The following CFAP54 variants were observed in gnomAD, a reference collection of about 807,000 sequenced individuals.
The protein encoded by CFAP54 is cilia and flagella associated protein 54, also known as cilia- and flagella-associated protein 54.
Under a neutral mutation model 370.4 loss-of-function variants are expected in CFAP54, and 290 were observed. The ratio of observed to expected loss-of-function variants is 0.78; its 90% CI spans 0.71 to 0.86. CFAP54 has a LOEUF of 0.86. Among genes scored for constraint, CFAP54 ranks in the 40% least tolerant of loss-of-function variants. CFAP54 has a pLI of 0.00. For synonymous variants in CFAP54, 1,206 were observed against 1,236.5 expected (o/e 0.98, Z 0.52); for missense variants, 3,399 against 3,528.7 (o/e 0.96, Z 0.93).
At chr12:96,721,579 G>A (rs138801739) in intron 50 of CFAP54, among the ~76,000 whole-genome samples, 34 of 152,218 alleles carry the variant, frequency 2.2e-4, no homozygotes, top group African/African-American at 8.2e-4. Context: ...CATGCCATTT[G>A]TGATAAACAC....
At chr12:96,494,967 C>T (rs147908104) in intron 1 of CFAP54, among the ~76,000 whole-genome samples, 8 of 152,204 alleles carry the variant, frequency 5.3e-5, no homozygotes, top group Non-Finnish European at 1.2e-4. Context: ...CCTCGTGATC[C>T]GACCGCTTTG....
Position 96,784,768 on chromosome 12 carries a change from A to T in CFAP54, c.8333A>T (p.Asp2778Val). 9.1e-6 allele frequency: 14 copies of T among 1,533,524 alleles called. No homozygotes were observed. The highest frequency in any genetic ancestry group is 1.2e-5 in the Non-Finnish European group (14 of 1,145,726). 95.0% of individuals were successfully genotyped at this position (1,533,524 alleles called of 1,614,324 possible). ...TCCTGTACATTTTTGTACCAAAATG[A>T]TGATGTGTGTGACAGCGCAGATGGT... ...QTSCTFLYQN[D>V]DVCDSADGRK... Residue 2778 changes from aspartate (D) to valine (V), a missense_variant, in exon 61 of 68, where the codon GAT (aspartate) becomes GTT (valine). Around this residue, in one of 3 missense-constraint regions of CFAP54, gnomAD observed 2,796 missense variants for 2,869.7 expected, o/e 0.97. Coordinates refer to ENST00000524981, the MANE Select transcript of CFAP54 (RefSeq NM_001306084.2).
At chr12:96,846,785 C>T (rs1341163232) in intron 66 of CFAP54, among the ~76,000 whole-genome samples, 1 of 152,126 alleles carries the variant, frequency 6.6e-6, no homozygotes, top group African/African-American at 2.4e-5. Flanking sequence ...GAGGGAAAGG[C>T]ACCAGTGACC....
chr12:96,545,631 G>A (rs2136392546), intron 14 of CFAP54, among the ~76,000 whole-genome samples: 2 of 152,282 alleles, frequency 1.3e-5, no homozygotes, highest in South Asian at 4.1e-4. Context: ...TCTCTTATGG[G>A]ATCCATCTCT....
At chr12:96,679,950 A>G (rs146285479) in intron 40 of CFAP54, among the ~76,000 whole-genome samples, 198 bp downstream of exon 40, 143 of 152,280 alleles carry the variant, frequency 9.4e-4, no homozygotes, top group African/African-American at 3.3e-3. Context: ...ACTCGCTTTT[A>G]TGCTTTCTGT....
intron 59 of CFAP54, 94 bp from the exon 60 acceptor site, chr12:96,764,983 T>G: frequency 1.0e-6 from 1 of 971,958 alleles, no homozygotes; most frequent in Non-Finnish European, 1.4e-6. Flanking sequence ...GAATATTATT[T>G]TATGAATTCA....
At chr12:96,571,092 A>G (rs1359669573) in intron 19 of CFAP54, among the ~76,000 whole-genome samples, 3 of 152,158 alleles carry the variant, frequency 2.0e-5, no homozygotes, top group Admixed American at 2.0e-4. Flanking sequence ...CAGTCCTGTG[A>G]TAGTTGATTA....
At chr12:96,781,667 T>C (rs978977512) in intron 60 of CFAP54, among the ~76,000 whole-genome samples, 13 of 152,044 alleles carry the variant, frequency 8.6e-5, no homozygotes, top group Non-Finnish European at 1.5e-4. Context: ...TGACCTGTAT[T>C]TAGAGGAACC....
chr12:96,635,220 T>C (rs1026749244), intron 32 of CFAP54, among the ~76,000 whole-genome samples: 1 of 152,196 alleles, frequency 6.6e-6, no homozygotes, highest in African/African-American at 2.4e-5. Context: ...CTAAGTACCA[T>C]ATTTGCTTTG....
chr12:96,861,013 C>A (rs146068386), intron 67 of CFAP54, 61 bp downstream of exon 67: 1 of 1,271,542 alleles, frequency 7.9e-7, no homozygotes, highest in Non-Finnish European at 1.0e-6. Flanking sequence ...GTTTTTGGAA[C>A]GGTCCTCTTA....
intron 15 of CFAP54, among the ~76,000 whole-genome samples, chr12:96,550,020 A>G (rs771881810): frequency 3.3e-5 from 5 of 152,260 alleles, no homozygotes; most frequent in African/African-American, 9.6e-5. Context: ...AACTTATTTC[A>G]AAGTTTTACT....
At chr12:96,598,177 A>G (rs1956198977) in intron 25 of CFAP54, among the ~76,000 whole-genome samples, 1 of 152,024 alleles carries the variant, frequency 6.6e-6, no homozygotes, top group Non-Finnish European at 1.5e-5. Flanking sequence ...GTAAGTACCA[A>G]TATTAGTTGA....
chr12:96,768,436 T>A (rs1483218375), intron 60 of CFAP54, among the ~76,000 whole-genome samples: 1 of 152,112 alleles, frequency 6.6e-6, no homozygotes, highest in Non-Finnish European at 1.5e-5. Flanking sequence ...GTGGATCACT[T>A]GAGGCCAGGA....
At chr12:96,651,128 C>A (rs1158401592) in intron 35 of CFAP54, among the ~76,000 whole-genome samples, 1 of 152,206 alleles carries the variant, frequency 6.6e-6, no homozygotes, top group African/African-American at 2.4e-5. Flanking sequence ...TCTAAAGCAA[C>A]CTGTCCTGTA....
intron 66 of CFAP54, among the ~76,000 whole-genome samples, chr12:96,837,478 T>C (rs1959189889): frequency 6.6e-6 from 1 of 151,722 alleles, no homozygotes; most frequent in Non-Finnish European, 1.5e-5. Flanking sequence ...TACTTAATAG[T>C]TTTTATCAAA....
At chr12:96,543,018 A>G (rs1033766231) in intron 14 of CFAP54, among the ~76,000 whole-genome samples, 13 of 152,218 alleles carry the variant, frequency 8.5e-5, no homozygotes, top group African/African-American at 3.1e-4. Flanking sequence ...CCTGGTAGTT[A>G]GAGCTGGATG....
In CFAP54 at chr12:96,587,367, A is replaced by G. The variant is rs115023930; in HGVS notation, c.3076-2060A>G. On this transcript the variant is annotated intron_variant, in intron 22 of 67. Coordinates refer to ENST00000524981, the MANE Select transcript of CFAP54 (RefSeq NM_001306084.2). Reference sequence around the variant, plus strand: ...ATAAAGAGGTTGAGGAAAAGAAGTAAAAGGAAAACCAAGAGTGGAATTCTG... The same window carrying G: ...ATAAAGAGGTTGAGGAAAAGAAGTAGAAGGAAAACCAAGAGTGGAATTCTG... Among the ~76,000 whole-genome samples the G allele has an allele frequency of 3.0e-3, 461 of 152,246 alleles. 4 individuals are homozygous for G. The highest frequency in any genetic ancestry group is 0.01 in the African/African-American group (421 of 41,540).
chr12:96,631,204 A>G (rs1956603956), intron 32 of CFAP54, among the ~76,000 whole-genome samples: 1 of 151,658 alleles, frequency 6.6e-6, no homozygotes, highest in Non-Finnish European at 1.5e-5. Flanking sequence ...CTCTTTGATT[A>G]TTCCTTCATT....
At chr12:96,863,161 A>T (rs1959919080) in intron 67 of CFAP54, among the ~76,000 whole-genome samples, 1 of 144,340 alleles carries the variant, frequency 6.9e-6, no homozygotes, top group African/African-American at 2.7e-5. Flanking sequence ...TGTTGGATGG[A>T]TGGATGGATG....
Sources: allele counts gnomAD v4.1 joint callset (sites outside exome capture counted in the v4.1 genomes callset), GRCh38; gene constraint gnomAD v4.1.1; regional missense constraint gnomAD v4.1.1; transcripts MANE v1.5; gene names NCBI Gene and HGNC (gene_info 2026-07-23, HGNC 2026-07-21).